The following MED13L variants were observed in gnomAD, a reference collection of about 807,000 sequenced individuals.
MED13L encodes the protein mediator complex subunit 13L.
In MED13L, 7 loss-of-function variants were observed where a neutral mutation model predicts 220.9. The ratio of observed to expected loss-of-function variants is 0.03; its 90% confidence interval spans 0.02 to 0.06. The LOEUF is 0.06. Among genes scored for constraint, MED13L ranks in the 10% least tolerant of loss-of-function variants. The probability of loss-of-function intolerance (pLI) is 1.00; values close to 1 mark genes in which losing one functional copy is unlikely to be tolerated. For missense variants in MED13L, 1,965 were observed against 2,760.5 expected (o/e 0.71, Z 6.46); for synonymous variants, 1,011 against 1,015.2 (o/e 1.00, Z 0.08).
intron 2 of MED13L, among the ~76,000 whole-genome samples, chr12:116,214,424 C>T (rs1471124926): frequency 1.3e-5 from 2 of 151,746 alleles, no homozygotes; most frequent in Non-Finnish European, 2.9e-5. Context: ...TTCACTTAGA[C>T]AAAAAGGTTT....
Position 116,005,901 on chromosome 12 carries a change from T to G in MED13L, c.2437A>C (p.Ile813Leu). Residue 813 changes from isoleucine (I) to leucine (L), a missense_variant, in exon 13 of 31, where the codon ATC becomes CTC. Physicochemically the swap from Ile to Leu is conservative, Grantham distance 5. Coordinates refer to ENST00000281928, the MANE Select transcript of MED13L (RefSeq NM_015335.5). ...TCGTCGTCATCAGAATTATCAAAGA[T>G]GTTGTCTAAGTCATGCAGGGAAGGT... is the stretch of plus-strand genomic sequence containing the variant. ...LAPSLHDLDN[I>L]FDNSDDDELG... 1 of 1,614,018 alleles carries G rather than the reference T, an allele frequency of 6.2e-7. No homozygotes were observed. The highest frequency in any genetic ancestry group is 8.5e-7 in the Non-Finnish European group (1 of 1,179,882).
intron 23 of MED13L, among the ~76,000 whole-genome samples, chr12:115,978,568 C>T (rs1050379148): frequency 2.0e-5 from 3 of 152,064 alleles, no homozygotes; most frequent in African/African-American, 7.2e-5. Context: ...CTCAGGTGAC[C>T]CGCCAGCCTC....
At chr12:116,230,157 A>G (rs1869413024) in intron 2 of MED13L, among the ~76,000 whole-genome samples, 1 of 152,046 alleles carries the variant, frequency 6.6e-6, no homozygotes, top group Non-Finnish European at 1.5e-5. Flanking sequence ...TAATCCCAGC[A>G]CTTTGGGAGG....
intron 17 of MED13L, 113 bp downstream of exon 17, chr12:115,990,907 T>TC (rs1345683562): frequency 1.2e-5 from 13 of 1,128,912 alleles, no homozygotes; most frequent in South Asian, 4.1e-5. Flanking sequence ...TTCTTTTTTT[T>TC]CCCCCGAAAG....
At chr12:115,967,402 C>T (rs1592895666) in intron 28 of MED13L, among the ~76,000 whole-genome samples, 1 of 152,070 alleles carries the variant, frequency 6.6e-6, no homozygotes, top group South Asian at 2.1e-4. Flanking sequence ...GCTGCAGGTG[C>T]TCAGGATTGA....
At chr12:116,054,245 C>A (rs1340321046) in intron 4 of MED13L, among the ~76,000 whole-genome samples, 1 of 151,616 alleles carries the variant, frequency 6.6e-6, no homozygotes, top group Non-Finnish European at 1.5e-5. Flanking sequence ...TACGTCTTAC[C>A]CTCATTTCCT....
At chr12:116,263,243 G>T (rs987653990) in intron 1 of MED13L, among the ~76,000 whole-genome samples, 1 of 151,678 alleles carries the variant, frequency 6.6e-6, no homozygotes, top group African/African-American at 2.4e-5. Context: ...CTTTCTGACA[G>T]GATTCCCATT....
At chr12:116,178,971 T>C (rs1047120118) in intron 2 of MED13L, among the ~76,000 whole-genome samples, 1 of 152,180 alleles carries the variant, frequency 6.6e-6, no homozygotes, top group African/African-American at 2.4e-5. Context: ...TGAATTCATG[T>C]TTCCCCTACC....
At chr12:116,098,202 C>T (rs1389115949) in intron 3 of MED13L, among the ~76,000 whole-genome samples, 3 of 151,762 alleles carry the variant, frequency 2.0e-5, no homozygotes, top group Admixed American at 6.6e-5. Context: ...TCTGAGATCA[C>T]GCCATTGCAC....
intron 8 of MED13L, among the ~76,000 whole-genome samples, chr12:116,013,505 C>T (rs1476940891): frequency 1.3e-5 from 2 of 152,044 alleles, no homozygotes; most frequent in Admixed American, 6.6e-5. Context: ...AAGTCCCATC[C>T]CCAAGATATC....
At chr12:115,975,390 C>T (rs755924550) in intron 24 of MED13L, 77 bp from the exon 25 acceptor site, 43 of 1,607,798 alleles carry the variant, frequency 2.7e-5, no homozygotes, top group South Asian at 2.5e-4. Flanking sequence ...AAGACAAACA[C>T]TAGAAATTCC....
chr12:116,233,808 T>A (rs1702939755), intron 2 of MED13L, among the ~76,000 whole-genome samples: 1 of 152,196 alleles, frequency 6.6e-6, no homozygotes, highest in South Asian at 2.1e-4. Context: ...GTGCTCTGAA[T>A]CACTACACCA....
intron 4 of MED13L, among the ~76,000 whole-genome samples, chr12:116,058,467 A>C (rs1869154471): frequency 6.6e-6 from 1 of 152,192 alleles, no homozygotes; most frequent in African/African-American, 2.4e-5. Flanking sequence ...AAATGTTGAG[A>C]TCCTAAGTAA....
In MED13L at chr12:116,178,864, A is replaced by T. The variant is rs989557962; in HGVS notation, c.310+58604T>A. 3.3e-5 allele frequency among the ~76,000 whole-genome samples: 5 copies of T among 152,320 alleles called. No homozygotes were observed. In the South Asian group the frequency reaches 1.0e-3, roughly 32 times the overall value. ...CAGTTTGACATGAGAAATTAATCTA[A>T]CATCTTTTTAAGCACACTCTGAATA... On this transcript the variant is annotated intron_variant, in intron 2 of 30. Coordinates refer to ENST00000281928, the MANE Select transcript of MED13L (RefSeq NM_015335.5).
intron 2 of MED13L, among the ~76,000 whole-genome samples, chr12:116,148,173 A>G (rs894210280): frequency 5.9e-5 from 9 of 151,894 alleles, no homozygotes; most frequent in Non-Finnish European, 1.2e-4. Flanking sequence ...ATAAACATAC[A>G]CATATATACA....
chr12:116,195,283 G>C (rs987995061), intron 2 of MED13L, among the ~76,000 whole-genome samples: 1 of 152,044 alleles, frequency 6.6e-6, no homozygotes, highest in Non-Finnish European at 1.5e-5. Context: ...GGGCAACAGG[G>C]AGAAGCAGTT....
rs371478740 is a variant in MED13L, at chr12:116,003,083, C to T, written c.2489G>A (p.Arg830His). 50 of 1,614,016 alleles carry T rather than the reference C, an allele frequency of 3.1e-5. No homozygotes were observed. The highest frequency in any genetic ancestry group is 4.0e-5 in the African/African-American group (3 of 75,022). ...DELGAVSPAL[R>H]SSKMPAVGTE... ...CCCAACTGCAGGCATTTTTGATGAG[C>T]GCAGAGCAGGTGATACAGCCTAAGA... Residue 830 changes from arginine (R) to histidine (H), a missense_variant, in exon 14 of 31, where the codon CGC becomes CAC. Transcript: ENST00000281928.
intron 16 of MED13L, among the ~76,000 whole-genome samples, chr12:115,994,142 G>C (rs1878249376): frequency 6.6e-6 from 1 of 152,214 alleles, no homozygotes; most frequent in African/African-American, 2.4e-5. Context: ...ATAGTGGACA[G>C]TGCAGACAGG....
At chr12:116,254,733 G>A (rs749919742) in intron 1 of MED13L, among the ~76,000 whole-genome samples, 4 of 151,402 alleles carry the variant, frequency 2.6e-5, no homozygotes, top group Non-Finnish European at 5.9e-5. Context: ...CCCAGCCTGG[G>A]TGACAGAGTG....
Sources: gnomAD v4.1 joint callset for allele counts (sites outside exome capture counted in the v4.1 genomes callset) on GRCh38, gnomAD v4.1.1 for gene constraint, MANE v1.5 for transcripts, NCBI Gene and HGNC (gene_info 2026-07-23, HGNC 2026-07-21) for gene names.